COA1: variants seen among roughly 807,000 people sequenced by gnomAD.
COA1 encodes cytochrome c oxidase assembly factor 1.
COA1 carries 13 observed loss-of-function variants against 16.0 expected under a neutral mutation model. The observed-to-expected ratio is 0.81, with a 90% CI of 0.53 to 1.29. COA1 has a LOEUF of 1.29. Ranked by LOEUF, COA1 falls within the 50% of genes most tolerant of loss-of-function variation. The pLI is 0.00. For missense variants in COA1, 179 were observed against 177.0 expected (o/e 1.01, Z -0.06); for synonymous variants, 65 against 65.7 (o/e 0.99, Z 0.05).
intron 1 of COA1, among the ~76,000 whole-genome samples, chr7:43,697,854 T>C (rs1289326696): frequency 6.6e-6 from 1 of 152,174 alleles, no homozygotes; most frequent in Non-Finnish European, 1.5e-5. Context: ...GAAATGGAAA[T>C]GCAATCTGAA....
intron 4 of COA1, chr7:43,641,873 C>G (rs1312164287): frequency 1.3e-5 from 2 of 152,146 alleles, no homozygotes; most frequent in Admixed American, 6.5e-5. Context: ...GTATGAGCCT[C>G]GCGAAGGAGA....
At chr7:43,646,929 G>A (rs746616203) in intron 3 of COA1, 18 of 192,528 alleles carry the variant, frequency 9.3e-5, no homozygotes, top group Non-Finnish European at 1.8e-4. Context: ...AACTGCTGCC[G>A]CTTTGCCACC....
intron 6 of COA1, chr7:43,624,019 A>G: frequency 1.6e-6 from 1 of 607,210 alleles, no homozygotes. Context: ...ACCATAATGG[A>G]AACACAAAAA....
intron 1 of COA1, among the ~76,000 whole-genome samples, chr7:43,654,440 G>A (rs1223294282): frequency 2.0e-5 from 3 of 152,230 alleles, no homozygotes; most frequent in Admixed American, 6.5e-5. Context: ...AGAACCACAC[G>A]TGATGGGAAC....
chr7:43,700,490 A>G (rs750368716), intron 1 of COA1, among the ~76,000 whole-genome samples: 20 of 151,772 alleles, frequency 1.3e-4, no homozygotes, highest in Non-Finnish European at 2.4e-4. Context: ...AAAAAAACTG[A>G]CAAAGATGCC....
At chr7:43,634,731 C>T (rs2085579160), downstream of COA1, among the ~76,000 whole-genome samples, 1 of 152,200 alleles carries the variant, frequency 6.6e-6, no homozygotes, top group East Asian at 1.9e-4. Context: ...ATGGTGTTTG[C>T]ATAGAGTAGG....
At chr7:43,652,942 AAAGT>A (rs1011341752) in intron 1 of COA1, among the ~76,000 whole-genome samples, 2 of 152,204 alleles carry the variant, frequency 1.3e-5, no homozygotes, top group Admixed American at 6.5e-5. Context: ...AGAGATGAAA[AAAGT>A]AAGGCAATAT....
intron 6 of COA1, chr7:43,624,607 TAGA>T: frequency 1.9e-6 from 3 of 1,614,104 alleles, no homozygotes; most frequent in South Asian, 1.1e-5. Context: ...GAAAAGGCAC[TAGA>T]AGAAGCAAAT....
chr7:43,686,076 T>C (rs1372732144), intron 1 of COA1, among the ~76,000 whole-genome samples: 2 of 152,214 alleles, frequency 1.3e-5, no homozygotes, highest in Non-Finnish European at 2.9e-5. Context: ...ATATTACTTA[T>C]TTGGAAATAC....
At chr7:43,688,726 T>C (rs1309345649) in intron 1 of COA1, among the ~76,000 whole-genome samples, 2 of 152,190 alleles carry the variant, frequency 1.3e-5, no homozygotes, top group Non-Finnish European at 2.9e-5. Context: ...ATTCTCAAAA[T>C]GCACCTTCCA....
At chr7:43,711,584 T>A (rs943566823) in intron 1 of COA1, 1 of 152,202 alleles carries the variant, frequency 6.6e-6, no homozygotes, top group Non-Finnish European at 1.5e-5. Flanking sequence ...ACAATCAGGA[T>A]ACATTCTAAG....
intron 1 of COA1, among the ~76,000 whole-genome samples, chr7:43,727,072 C>G (rs1237485293): frequency 6.6e-6 from 1 of 152,160 alleles, no homozygotes; most frequent in Non-Finnish European, 1.5e-5. Flanking sequence ...GATTTGATCA[C>G]TACACATTGT....
intron 6 of COA1, among the ~76,000 whole-genome samples, chr7:43,611,675 C>CT (rs1348337195): frequency 1.3e-5 from 2 of 152,318 alleles, no homozygotes; most frequent in East Asian, 1.9e-4. Flanking sequence ...TGGGCTAATA[C>CT]TTTAAGTATT....
At chr7:43,727,305 G>C (rs1013862220) in intron 1 of COA1, among the ~76,000 whole-genome samples, 1 of 152,192 alleles carries the variant, frequency 6.6e-6, no homozygotes, top group Admixed American at 6.5e-5. Context: ...TTGGAAAACA[G>C]TCTGACCATT....
At chr7:43,644,791 C>CAGAGAGAGAGAGAG (rs1158900674) in intron 4 of COA1, among the ~76,000 whole-genome samples, 1 of 23,704 alleles carries the variant, frequency 4.2e-5, no homozygotes, top group African/African-American at 1.5e-4. Flanking sequence ...GGCAGGCAGG[C>CAGAGAGAGAGAGAG]AGAGAGACAG....
intron 6 of COA1, chr7:43,632,346 C>T (rs1209094853): frequency 6.6e-6 from 1 of 152,544 alleles, no homozygotes; most frequent in Non-Finnish European, 1.5e-5. Context: ...TTCAGCCCAT[C>T]TACAGTTCCT....
chr7:43,677,729 A>G (rs890069566), intron 1 of COA1, among the ~76,000 whole-genome samples: 19 of 150,248 alleles, frequency 1.3e-4, no homozygotes, highest in African/African-American at 3.7e-4. Context: ...AATCTAGGAG[A>G]AGGAGGTTGC....
At chr7:43,657,599 A>G (rs542759647) in intron 1 of COA1, among the ~76,000 whole-genome samples, 55 of 152,190 alleles carry the variant, frequency 3.6e-4, no homozygotes, top group Non-Finnish European at 6.8e-4. Flanking sequence ...CAAAACAGAC[A>G]GGTCATTTAT....
intron 1 of COA1, among the ~76,000 whole-genome samples, chr7:43,675,348 G>A (rs928122527): frequency 2.0e-5 from 3 of 151,844 alleles, no homozygotes; most frequent in Non-Finnish European, 4.4e-5. Context: ...ACCAAACATC[G>A]TGTGTTCTCA....
Sources: gnomAD v4.1 joint callset for allele counts (sites outside exome capture counted in the v4.1 genomes callset) on GRCh38, gnomAD v4.1.1 for gene constraint, MANE v1.5 for transcripts, NCBI Gene and HGNC (gene_info 2026-07-23, HGNC 2026-07-21) for gene names.